The following AARS1 variants were observed in gnomAD, a reference collection of about 807,000 sequenced individuals.
AARS1 encodes the protein alanine--tRNA ligase, cytoplasmic.
A neutral mutation model predicts 108.9 loss-of-function variants in AARS1; 72 were observed. That is an observed-to-expected ratio of 0.66 (90% confidence interval 0.55 to 0.80). The LOEUF (loss-of-function observed/expected upper bound fraction) is 0.80. Among genes scored for constraint, AARS1 ranks in the 30% least tolerant of loss-of-function variants. The pLI, the probability that AARS1 is intolerant of heterozygous loss-of-function variation, is 0.00. For missense variants in AARS1, 1,193 were observed against 1,233.2 expected (o/e 0.97, Z 0.49); for synonymous variants, 489 against 465.7 (o/e 1.05, Z -0.64).
chr16:70,259,325 T>A, intron 13 of AARS1, 139 bp from the exon 14 acceptor site: 1 of 890,540 alleles, frequency 1.1e-6, no homozygotes, highest in Non-Finnish European at 1.8e-6. Flanking sequence ...CCAGCTTCCC[T>A]ATGGCTAAGT....
chr16:70,289,471 G>T lies in AARS1; in HGVS notation c.-72C>A, dbSNP rs559310734. 4 of 429,010 alleles carry T rather than the reference G, an allele frequency of 9.3e-6. No individual in the cohort carries two copies. Among genetic ancestry groups the T allele is most frequent in the East Asian group, 7.1e-5 (1 of 14,164 alleles). 26.6% of individuals were successfully genotyped at this position (429,010 alleles called of 1,614,324 possible). A position where few individuals can be genotyped will look rare whatever the true frequency, so the allele number is the denominator to read the frequency against. On this transcript the variant is annotated 5_prime_UTR_variant, in exon 1 of 21. Transcript: ENST00000261772. ...TCCTCCCTCAGAGTCCCCCGCCAAG[G>T]GCCCGCTGCACCTATTCCCGCAGAC...
Position 70,258,039 on chromosome 16 carries a change from C to G in AARS1, c.2171G>C (p.Gly724Ala), listed in dbSNP as rs1960032850. 1.9e-6 allele frequency: 3 copies of G among 1,614,116 alleles called. No individual in the cohort carries two copies. The East Asian group carries it at 6.7e-5, about 36-fold the overall frequency. The change falls in exon 15 of 21, where the codon GGG becomes GCG. Residue 724 changes from glycine (G) to alanine (A), a missense_variant. Gly to Ala is a moderately conservative substitution (Grantham distance 60). Transcript: ENST00000261772. ...GCCCCTCTGCAGTACTCACGTTCCCCCACAGAACTCAACAGAAGTCAGGGA... is the reference window on the plus strand; with the variant it reads ...GCCCCTCTGCAGTACTCACGTTCCCGCACAGAACTCAACAGAAGTCAGGGA... ...AGSLTSVEFCGGTHLRNSSHA... is the reference protein window; with the variant it reads ...AGSLTSVEFCAGTHLRNSSHA...
chr16:70,289,396 G>A, intron 1 of AARS1, 25 bp downstream of exon 1: 1 of 377,386 alleles, frequency 2.6e-6, no homozygotes, highest in Non-Finnish European at 5.3e-6. Context: ...TCCTAGCACC[G>A]CAGAGCTCTC....
intron 1 of AARS1, among the ~76,000 whole-genome samples, chr16:70,288,869 G>A (rs1396110377): frequency 1.3e-5 from 2 of 152,012 alleles, no homozygotes; most frequent in Admixed American, 1.3e-4. Flanking sequence ...GCCTGGCCCT[G>A]GGCTATTACA....
chr16:70,253,807 G>A lies in AARS1; in HGVS notation c.2521-7C>T. On this transcript the variant is annotated splice_region_variant and splice_polypyrimidine_tract_variant and intron_variant, in intron 18 of 20. Transcript: ENST00000261772. ...GCTTCGTCTTCTCTAACACCTGCAA[G>A]AAAAAAGTCCAGAACAGCAGCTCAG... The A allele has an allele frequency of 6.2e-7, 1 of 1,614,144 alleles. No homozygotes were observed. The highest frequency in any genetic ancestry group is 1.1e-5 in the South Asian group (1 of 91,076).
chr16:70,286,977 C>T (rs1484875814), intron 1 of AARS1, among the ~76,000 whole-genome samples: 3 of 145,906 alleles, frequency 2.1e-5, no homozygotes, highest in South Asian at 2.2e-4. Flanking sequence ...TTAGGCCGGG[C>T]GCGGTGGCTC....
chr16:70,254,759 C>G (rs1427910364), intron 16 of AARS1, 25 bp from the exon 17 acceptor site: 2 of 1,508,484 alleles, frequency 1.3e-6, no homozygotes, highest in Non-Finnish European at 1.8e-6. Context: ...CGGGTCAACC[C>G]CAAGCAGGAG....
chr16:70,257,593 G>T (rs1960022976), intron 15 of AARS1, among the ~76,000 whole-genome samples: 1 of 152,156 alleles, frequency 6.6e-6, no homozygotes, highest in Admixed American at 6.5e-5. Flanking sequence ...CTGCTCGGGG[G>T]CTCTGAGACA....
intron 13 of AARS1, 25 bp from the exon 14 acceptor site, chr16:70,259,211 G>C: frequency 6.2e-7 from 1 of 1,606,114 alleles, no homozygotes. Flanking sequence ...GGGGCTCATG[G>C]AGAGGTCTGT....
At chr16:70,282,587 AC>A (rs766582306) in intron 2 of AARS1, 32 bp downstream of exon 2, 1 of 1,613,526 alleles carries the variant, frequency 6.2e-7, no homozygotes, top group South Asian at 1.1e-5. Context: ...TCTTATGTGA[AC>A]CAAAAGCCAA....
At chr16:70,267,911 TA>T (rs1477113236) in intron 8 of AARS1, 102 bp from the exon 9 acceptor site, 3 of 1,525,748 alleles carry the variant, frequency 2.0e-6, no homozygotes, top group Admixed American at 3.4e-5. Flanking sequence ...CTCACGCCTG[TA>T]ATCCTACCAC....
At chr16:70,272,638 A>G (rs936415186) in intron 4 of AARS1, among the ~76,000 whole-genome samples, 2 of 151,818 alleles carry the variant, frequency 1.3e-5, no homozygotes, top group Non-Finnish European at 2.9e-5. Context: ...AAAATACACA[A>G]GGACATGAGT....
At chr16:70,254,482 G>C (rs1301949568) in intron 17 of AARS1, 139 bp downstream of exon 17, 2 of 704,272 alleles carry the variant, frequency 2.8e-6, no homozygotes, top group Non-Finnish European at 5.2e-6. Context: ...CCTGCTACAA[G>C]GCTACAGGAC....
chr16:70,287,168 T>C (rs1960865926), intron 1 of AARS1, among the ~76,000 whole-genome samples: 1 of 137,352 alleles, frequency 7.3e-6, no homozygotes, highest in African/African-American at 2.7e-5. Flanking sequence ...GGCAGGAGAA[T>C]GGCGTGAACC....
chr16:70,279,480 C>T (rs774847408), intron 2 of AARS1, among the ~76,000 whole-genome samples: 2 of 150,596 alleles, frequency 1.3e-5, no homozygotes, highest in African/African-American at 2.4e-5. Context: ...GCCAACGTGG[C>T]GAAACCCTGT....
At chr16:70,263,393 G>C (rs945734289) in intron 11 of AARS1, among the ~76,000 whole-genome samples, 7 of 151,998 alleles carry the variant, frequency 4.6e-5, no homozygotes, top group Non-Finnish European at 8.8e-5. Context: ...CCAACACGGT[G>C]AAACCCCGTG....
rs200772609 is a variant in AARS1 at position 70,270,283 on chromosome 16, G to A, written c.729C>T (p.Gly243=). Residue 243 remains glycine, a synonymous_variant, in exon 6 of 21, where the codon GGC becomes GGT. Coordinates refer to ENST00000261772, the MANE Select transcript of AARS1 (RefSeq NM_001605.3). ...GCAGCACAGATACCAGTCGTTCCAGGCCCATCCCTGTGTCAATGCTTTTCT... is the reference window on the plus strand; with the variant it reads ...GCAGCACAGATACCAGTCGTTCCAGACCCATCCCTGTGTCAATGCTTTTCT... ...LPKKSIDTGM[G]LERLVSVLQN... 6.2e-7 allele frequency: 1 copy of A among 1,614,144 alleles called. No homozygotes were observed. The highest frequency in any genetic ancestry group is 2.2e-5 in the East Asian group (1 of 44,880).
chr16:70,270,151 G>C (rs757371831), intron 6 of AARS1, 45 bp downstream of exon 6: 1 of 1,611,058 alleles, frequency 6.2e-7, no homozygotes, highest in Non-Finnish European at 8.5e-7. Flanking sequence ...AGTACAGCCT[G>C]GAAAACTCCA....
chr16:70,284,494 C>T (rs539827387), intron 1 of AARS1, among the ~76,000 whole-genome samples: 4 of 151,954 alleles, frequency 2.6e-5, no homozygotes, highest in South Asian at 2.1e-4. Flanking sequence ...CCCAGTTACT[C>T]GGAAAGCTGA....
Sources: allele counts gnomAD v4.1 joint callset (sites outside exome capture counted in the v4.1 genomes callset), GRCh38; gene constraint gnomAD v4.1.1; transcripts MANE v1.5; gene names NCBI Gene and HGNC (gene_info 2026-07-23, HGNC 2026-07-21).